Variants in RASA3 observed in about 807,000 individuals in gnomAD.
RASA3 encodes ras GTPase-activating protein 3.
A neutral mutation model predicts 110.0 loss-of-function variants in RASA3; 73 were observed. That is an observed-to-expected ratio of 0.66 (90% CI 0.55 to 0.81). The LOEUF is 0.81. RASA3 is among the 30% of genes least tolerant of loss of function. The probability of loss-of-function intolerance (pLI) is 0.00; values close to 1 mark genes in which losing one functional copy is unlikely to be tolerated. For synonymous variants in RASA3, 500 were observed against 451.4 expected (o/e 1.11, Z -1.37); for missense variants, 976 against 1,113.2 (o/e 0.88, Z 1.75).
chr13:114,088,760 G>A (rs561734106), intron 1 of RASA3, among the ~76,000 whole-genome samples: 2 of 152,148 alleles, frequency 1.3e-5, no homozygotes, highest in Admixed American at 6.5e-5. Context: ...ATGTTGGTCA[G>A]GCTGGTCTTG....
intron 2 of RASA3, among the ~76,000 whole-genome samples, chr13:114,064,341 A>G (rs541282004): frequency 2.6e-5 from 4 of 152,240 alleles, no homozygotes; most frequent in Non-Finnish European, 5.9e-5. Context: ...TGGCCACAGC[A>G]CCATCACTGG....
intron 18 of RASA3, among the ~76,000 whole-genome samples, chr13:114,002,033 G>A (rs1340318590): frequency 6.6e-6 from 1 of 152,260 alleles, no homozygotes; most frequent in East Asian, 1.9e-4. Flanking sequence ...CGGCAGCCCA[G>A]GGCCCTCTGA....
chr13:114,011,405 G>C lies in RASA3; in HGVS notation c.1513-157C>G, dbSNP rs1248384116. 6.6e-6 allele frequency among the ~76,000 whole-genome samples: 1 copy of C among 152,172 alleles called. No homozygotes were observed. Among genetic ancestry groups the C allele is most frequent in the African/African-American group, 2.4e-5 (1 of 41,420 alleles). On this transcript the variant is annotated intron_variant, in intron 15 of 23. Transcript: ENST00000334062. The surrounding 1 kb of genome is among the most constrained non-coding windows in gnomAD (Gnocchi z 4.8). Reference sequence around the variant, plus strand: ...GGGTAGCGACGCAGATGGGACTGGAGGGGGTGGGCGTCCCACAGTCTCAGG... The same window carrying C: ...GGGTAGCGACGCAGATGGGACTGGACGGGGTGGGCGTCCCACAGTCTCAGG...
chr13:114,043,163 GCA>G (rs1470406967), intron 3 of RASA3, among the ~76,000 whole-genome samples: 5 of 152,140 alleles, frequency 3.3e-5, no homozygotes, highest in African/African-American at 1.2e-4. Context: ...GCCCAGCTCA[GCA>G]CCAGCTCCAG....
At chr13:114,023,247 G>GACATCCCAGGCTCGGGGA (rs1169148062) in intron 8 of RASA3, among the ~76,000 whole-genome samples, 15 of 120,306 alleles carry the variant, frequency 1.2e-4, no homozygotes, top group South Asian at 2.3e-4. Context: ...CAGGCTCGGG[G>GACATCCCAGGCTCGGGGA]ACATCCCAGG....
chr13:113,999,196 C>G (rs1594294477), intron 20 of RASA3, among the ~76,000 whole-genome samples: 1 of 152,172 alleles, frequency 6.6e-6, no homozygotes, highest in African/African-American at 2.4e-5. Flanking sequence ...CGTGCAACTT[C>G]TATAAATTCA....
At chr13:114,042,672 G>A (rs957033400) in intron 3 of RASA3, among the ~76,000 whole-genome samples, 8 of 152,198 alleles carry the variant, frequency 5.3e-5, no homozygotes, top group Admixed American at 2.6e-4. Flanking sequence ...GCCCAGCCCC[G>A]GTTCTCTCTT....
At chr13:114,127,552 C>T (rs1018335686) in intron 1 of RASA3, among the ~76,000 whole-genome samples, 2 of 152,232 alleles carry the variant, frequency 1.3e-5, no homozygotes, top group African/African-American at 4.8e-5. Context: ...ACAAGTCTCT[C>T]TGTTCTCCAG....
At chr13:114,023,264 GA>G (rs201586311) in intron 8 of RASA3, among the ~76,000 whole-genome samples, 5 of 147,784 alleles carry the variant, frequency 3.4e-5, no homozygotes, top group African/African-American at 1.1e-4. Flanking sequence ...CAGGCTCGGG[GA>G]ACATCCCAGG....
Position 114,057,493 on chromosome 13 carries a change from T to G in RASA3, c.174-5338A>C, listed in dbSNP as rs2079265182. ...CCAGTCTCTGTGCCAGAATAGAGGG[T>G]TCGTTCAGCTTCTTAGACCGATGAT... On this transcript the variant is annotated intron_variant, in intron 2 of 23. Transcript: ENST00000334062. The surrounding 1 kb of genome is among the most constrained non-coding windows in gnomAD (Gnocchi z 5.0). 1 of 985,174 alleles carries G rather than the reference T, an allele frequency of 1.0e-6. No individual in the cohort carries two copies. Among genetic ancestry groups the G allele is most frequent in the Admixed American group, 6.1e-5 (1 of 16,264 alleles). The allele number at this position is 985,174 out of a possible 1,614,324, so 61.0% of individuals were successfully genotyped here. A position where few individuals can be genotyped will look rare whatever the true frequency, so the allele number is the denominator to read the frequency against.
chr13:114,087,857 C>T (rs905446278), intron 1 of RASA3, among the ~76,000 whole-genome samples: 10 of 152,256 alleles, frequency 6.6e-5, no homozygotes, highest in Non-Finnish European at 1.0e-4. Flanking sequence ...GAGCCGGGCG[C>T]GGTGGCTCTT....
At chr13:114,040,333 G>A (rs1243582083) in intron 4 of RASA3, among the ~76,000 whole-genome samples, 2 of 133,418 alleles carry the variant, frequency 1.5e-5, no homozygotes, top group Non-Finnish European at 3.2e-5. Context: ...GGGCGAACAC[G>A]CACAACCCAA....
At chr13:114,036,387 C>T (rs1234882497) in intron 4 of RASA3, among the ~76,000 whole-genome samples, 1 of 152,250 alleles carries the variant, frequency 6.6e-6, no homozygotes, top group Non-Finnish European at 1.5e-5. Flanking sequence ...GTGACACTCG[C>T]TGTCCGGACA....
At chr13:114,093,741 T>C (rs2079912793) in intron 1 of RASA3, among the ~76,000 whole-genome samples, 1 of 151,706 alleles carries the variant, frequency 6.6e-6, no homozygotes, top group Non-Finnish European at 1.5e-5. Context: ...CTTCATTTCT[T>C]TTCATTTTTT....
intron 3 of RASA3, among the ~76,000 whole-genome samples, chr13:114,042,416 C>T (rs569677523): frequency 6.6e-5 from 10 of 152,262 alleles, no homozygotes; most frequent in Non-Finnish European, 1.5e-4. Flanking sequence ...AGAGCACACA[C>T]GAGAGCAGGA....
At chr13:113,981,973 C>T in intron 22 of RASA3, 115 bp from the exon 23 acceptor site, 3 of 955,784 alleles carry the variant, frequency 3.1e-6, no homozygotes, top group Non-Finnish European at 4.6e-6. Context: ...AACGCAAGCT[C>T]CTCCAGAAAG....
At chr13:114,127,482 G>A (rs1208121605) in intron 1 of RASA3, among the ~76,000 whole-genome samples, 2 of 152,214 alleles carry the variant, frequency 1.3e-5, no homozygotes, top group African/African-American at 4.8e-5. Context: ...ACACAGACCA[G>A]CAGCCCCTTC....
chr13:114,056,861 G>A lies in RASA3; in HGVS notation c.174-4706C>T, dbSNP rs1347404778. Among the ~76,000 whole-genome samples, 1 of 152,160 alleles carries A rather than the reference G, an allele frequency of 6.6e-6. No homozygotes were observed. Among genetic ancestry groups the A allele is most frequent in the Non-Finnish European group, 1.5e-5 (1 of 68,036 alleles). ...CATGGCCCTGCTGCACTACCCCTGG[G>A]GAGCAAGACCTCCTCCAGCCTCCAC... On this transcript the variant is annotated intron_variant, in intron 2 of 23. Transcript: ENST00000334062. The surrounding 1 kb of genome is among the most constrained non-coding windows in gnomAD (Gnocchi z 5.7).
intron 3 of RASA3, among the ~76,000 whole-genome samples, chr13:114,042,327 G>T (rs2054428153): frequency 6.6e-6 from 1 of 152,388 alleles, no homozygotes; most frequent in South Asian, 2.1e-4. Flanking sequence ...AGCACCCACG[G>T]CAGCACATGC....
Sources: gnomAD v4.1 joint callset for allele counts (sites outside exome capture counted in the v4.1 genomes callset) on GRCh38, gnomAD v4.1.1 for gene constraint, Gnocchi (gnomAD v3.1) non-coding constraint, MANE v1.5 for transcripts, NCBI Gene and HGNC (gene_info 2026-07-23, HGNC 2026-07-21) for gene names.